The following GRIP1 variants were observed in gnomAD, a reference collection of about 807,000 sequenced individuals.
GRIP1 encodes glutamate receptor interacting protein 1.
A neutral mutation model predicts 129.9 loss-of-function variants in GRIP1; 45 were observed. That is an observed-to-expected ratio of 0.35 (90% CI 0.27 to 0.44). The LOEUF is 0.44. Among genes scored for constraint, GRIP1 ranks in the 20% least tolerant of loss-of-function variants. GRIP1 has a pLI of 1.00. For synonymous variants in GRIP1, 530 were observed against 520.8 expected (o/e 1.02, Z -0.24); for missense variants, 1,196 against 1,396.8 (o/e 0.86, Z 2.29).
At chr12:67,052,804 G>C (rs539659082) in intron 1 of GRIP1, among the ~76,000 whole-genome samples, 2 of 151,768 alleles carry the variant, frequency 1.3e-5, no homozygotes, top group African/African-American at 4.8e-5. Context: ...GAGGGAGGGA[G>C]GAAGGAAATC....
chr12:66,480,542 A>G (rs1425241107), intron 7 of GRIP1, among the ~76,000 whole-genome samples: 1 of 152,220 alleles, frequency 6.6e-6, no homozygotes, highest in African/African-American at 2.4e-5. Context: ...GACTTTCTTC[A>G]CAGAATTAAA....
intron 1 of GRIP1, among the ~76,000 whole-genome samples, chr12:66,910,774 A>C (rs1317366847): frequency 6.6e-6 from 1 of 152,204 alleles, no homozygotes. Flanking sequence ...CAGTGATTCT[A>C]AAACTATGTC....
Position 66,456,290 on chromosome 12 carries a change from G to A in GRIP1, c.1095C>T (p.Asn365=). Residue 365 remains asparagine, a synonymous_variant, in exon 10 of 25, where the codon AAC becomes AAT. Coordinates refer to ENST00000359742, the MANE Select transcript of GRIP1 (RefSeq NM_001366722.1). The part of the protein sequence containing the change: ...RQLTWDSWAS[N]HSSLHTNHHY... ...GATGGTTGGTGTGAAGGCTGCTGTG[G>A]TTGCTGGCCCAGGAATCCCAGGTAA... 1 of 1,289,424 alleles carries A rather than the reference G, an allele frequency of 7.8e-7. No homozygotes were observed. The highest frequency in any genetic ancestry group is 1.0e-6 in the Non-Finnish European group (1 of 988,302). 79.9% of individuals were successfully genotyped at this position (1,289,424 alleles called of 1,614,324 possible).
At chr12:66,951,633 A>T (rs1387571929) in intron 1 of GRIP1, among the ~76,000 whole-genome samples, 1 of 152,208 alleles carries the variant, frequency 6.6e-6, no homozygotes, top group African/African-American at 2.4e-5. Flanking sequence ...TTAAGTGAGG[A>T]TGTGAAAAAC....
chr12:67,065,150 G>C (rs1482152081), intron 1 of GRIP1: 1 of 151,780 alleles, frequency 6.6e-6, no homozygotes. Flanking sequence ...TATATCTAAA[G>C]GGGTCCAAAT....
At chr12:66,376,851 A>G (rs1244665820) in intron 22 of GRIP1, among the ~76,000 whole-genome samples, 166 bp downstream of exon 22, 1 of 152,202 alleles carries the variant, frequency 6.6e-6, no homozygotes, top group Non-Finnish European at 1.5e-5. Context: ...AGATACAATC[A>G]GGGTTAGCAG....
chr12:67,066,888 T>TTATATATATATATATATATATATA (rs1555170033), intron 1 of GRIP1, among the ~76,000 whole-genome samples: 97 of 125,610 alleles, frequency 7.7e-4, no homozygotes, highest in African/African-American at 2.1e-3. Context: ...AAATATATAT[T>TTATATATATATATATATATATATA]TATATATATA....
At chr12:66,716,825 C>T (rs142123919) in intron 1 of GRIP1, among the ~76,000 whole-genome samples, 2 of 152,154 alleles carry the variant, frequency 1.3e-5, no homozygotes, top group African/African-American at 2.4e-5. Flanking sequence ...TTTTGAAACA[C>T]TTTAATTTTT....
At chr12:66,876,132 GATA>G (rs1013877286) in intron 1 of GRIP1, among the ~76,000 whole-genome samples, 1 of 151,854 alleles carries the variant, frequency 6.6e-6, no homozygotes, top group Non-Finnish European at 1.5e-5. Context: ...CTGCAAGAGC[GATA>G]ATGAGGATCA....
chr12:66,348,706 G>GTGAT lies in GRIP1; in HGVS notation c.*309_*312dup, dbSNP rs1313952791. ...AAACAGATGTTTCTCTTTTTAAAAAGTGATAGTAAGATGAACTTGTAAAAA... is the reference window on the plus strand; with the variant it reads ...AAACAGATGTTTCTCTTTTTAAAAAGTGATTGATAGTAAGATGAACTTGTAAAAA... On this transcript the variant is annotated 3_prime_UTR_variant, in exon 25 of 25. Transcript: ENST00000359742. 8.9e-6 allele frequency: 3 copies of GTGAT among 337,238 alleles called. No homozygotes were observed. The highest frequency in any genetic ancestry group is 1.1e-4 in the East Asian group (2 of 17,544). 20.9% of individuals were successfully genotyped at this position (337,238 alleles called of 1,614,324 possible).
intron 1 of GRIP1, among the ~76,000 whole-genome samples, chr12:66,620,910 A>T (rs916511429): frequency 6.6e-6 from 1 of 152,100 alleles, no homozygotes; most frequent in African/African-American, 2.4e-5. Context: ...CAGCATGATG[A>T]TTCACTTTTC....
At chr12:66,931,746 G>A (rs1256730062) in intron 1 of GRIP1, among the ~76,000 whole-genome samples, 1 of 152,122 alleles carries the variant, frequency 6.6e-6, no homozygotes, top group Admixed American at 6.5e-5. Context: ...TAAAATACCA[G>A]AGAAGAAACA....
intron 1 of GRIP1, among the ~76,000 whole-genome samples, chr12:66,812,386 C>T (rs904996164): frequency 7.9e-5 from 12 of 152,220 alleles, no homozygotes; most frequent in East Asian, 7.7e-4. Flanking sequence ...CCGCCTGCCT[C>T]GGCCTCCCGA....
At chr12:66,614,895 C>T (rs929786418) in intron 1 of GRIP1, among the ~76,000 whole-genome samples, 2 of 152,142 alleles carry the variant, frequency 1.3e-5, no homozygotes, top group Non-Finnish European at 2.9e-5. Flanking sequence ...TTCCCTTATG[C>T]CTTGGCATGA....
At chr12:66,951,757 G>A (rs1252273979) in intron 1 of GRIP1, among the ~76,000 whole-genome samples, 2 of 152,120 alleles carry the variant, frequency 1.3e-5, no homozygotes, top group Middle Eastern at 3.2e-3. Flanking sequence ...GAAGAGACTT[G>A]GACAGATTTG....
chr12:66,735,265 G>C (rs2036557920), intron 1 of GRIP1, among the ~76,000 whole-genome samples: 1 of 152,154 alleles, frequency 6.6e-6, no homozygotes, highest in South Asian at 2.1e-4. Flanking sequence ...GGATGAGTGG[G>C]TTTTAAGATA....
chr12:67,007,366 C>G (rs1203421895), intron 1 of GRIP1, among the ~76,000 whole-genome samples: 3 of 152,090 alleles, frequency 2.0e-5, no homozygotes, highest in Non-Finnish European at 4.4e-5. Flanking sequence ...AAAGTAATAT[C>G]CACAATATGT....
chr12:66,664,068 T>C (rs1031945901), intron 1 of GRIP1, among the ~76,000 whole-genome samples: 2 of 152,196 alleles, frequency 1.3e-5, no homozygotes, highest in East Asian at 1.9e-4. Context: ...GTCTTTAATA[T>C]GCTAATATGG....
At chr12:66,586,052 T>C (rs1465523480) in intron 2 of GRIP1, among the ~76,000 whole-genome samples, 1 of 152,194 alleles carries the variant, frequency 6.6e-6, no homozygotes, top group Non-Finnish European at 1.5e-5. Context: ...TTTAAAGTTC[T>C]CCATAGACCA....
Sources: gnomAD v4.1 joint callset for allele counts (sites outside exome capture counted in the v4.1 genomes callset) on GRCh38, gnomAD v4.1.1 for gene constraint, MANE v1.5 for transcripts, NCBI Gene and HGNC (gene_info 2026-07-23, HGNC 2026-07-21) for gene names.